The following RUFY1 variants were observed in gnomAD, a reference collection of about 807,000 sequenced individuals.
RUFY1 encodes the protein RUN and FYVE domain-containing protein 1.
RUFY1 carries 54 observed loss-of-function variants against 94.6 expected under a neutral mutation model. That is an observed-to-expected ratio of 0.57 (90% CI 0.46 to 0.72). The LOEUF (loss-of-function observed/expected upper bound fraction) is 0.72. Ranked by LOEUF, RUFY1 falls within the 30% of genes least tolerant of loss-of-function variation. The probability of loss-of-function intolerance (pLI) is 0.00; values close to 1 mark genes in which losing one functional copy is unlikely to be tolerated. For synonymous variants in RUFY1, 396 were observed against 347.3 expected, an observed-to-expected ratio of 1.14 and a Z score of -1.56; for missense variants, 883 against 883.9, an observed-to-expected ratio of 1.00 and a Z score of 0.01.
intron 6 of RUFY1, 65 bp from the exon 7 acceptor site, chr5:179,580,882 G>A: frequency 1.1e-6 from 1 of 873,944 alleles, no homozygotes; most frequent in Non-Finnish European, 1.9e-6. Flanking sequence ...GAATATTGGG[G>A]AACAGTTACA....
At chr5:179,555,102 A>G (rs1463994213) in intron 1 of RUFY1, among the ~76,000 whole-genome samples, 3 of 152,190 alleles carry the variant, frequency 2.0e-5, no homozygotes, top group African/African-American at 7.2e-5. Flanking sequence ...AAGCAATAGG[A>G]TGTACCCACA....
intron 12 of RUFY1, 120 bp downstream of exon 12, chr5:179,595,083 C>T (rs1044015064): frequency 1.9e-5 from 13 of 685,620 alleles, no homozygotes; most frequent in Middle Eastern, 4.9e-4. Flanking sequence ...TGGCTCACGC[C>T]TGTAATCCCA....
intron 13 of RUFY1, among the ~76,000 whole-genome samples, chr5:179,597,769 C>G (rs1209957084): frequency 6.6e-6 from 1 of 152,200 alleles, no homozygotes; most frequent in Non-Finnish European, 1.5e-5. Flanking sequence ...AGAGCAGACT[C>G]CAGGCGGTCC....
intron 1 of RUFY1, among the ~76,000 whole-genome samples, chr5:179,558,089 T>C (rs1231203895): frequency 6.6e-6 from 1 of 152,196 alleles, no homozygotes; most frequent in Non-Finnish European, 1.5e-5. Context: ...TCAAGACCAC[T>C]AGATGATAGA....
chr5:179,597,892 G>T (rs1198065370), intron 13 of RUFY1, among the ~76,000 whole-genome samples: 4 of 152,066 alleles, frequency 2.6e-5, no homozygotes, highest in Non-Finnish European at 2.9e-5. Context: ...GCTGTAGGTT[G>T]TAGAAAGCAG....
intron 5 of RUFY1, among the ~76,000 whole-genome samples, chr5:179,576,477 A>G (rs928356863): frequency 2.5e-4 from 38 of 151,938 alleles, no homozygotes; most frequent in African/African-American, 7.3e-4. Context: ...TTGGAGTGCA[A>G]TGGCACGATC....
chr5:179,574,546 C>T (rs1057447989), intron 5 of RUFY1, among the ~76,000 whole-genome samples: 2 of 152,068 alleles, frequency 1.3e-5, no homozygotes, highest in South Asian at 2.1e-4. Flanking sequence ...CTTTTTTGGT[C>T]TTTGTTCTTT....
At chr5:179,565,239 C>T (rs1561978441) in intron 3 of RUFY1, among the ~76,000 whole-genome samples, 3 of 132,912 alleles carry the variant, frequency 2.3e-5, no homozygotes, top group East Asian at 4.8e-4. Context: ...AGTGCAGTGG[C>T]ACAATCTCGA....
intron 16 of RUFY1, 116 bp from the exon 17 acceptor site, chr5:179,607,466 A>G: frequency 1.2e-6 from 1 of 812,234 alleles, no homozygotes; most frequent in Non-Finnish European, 2.1e-6. Flanking sequence ...ATGGAGAAAC[A>G]GTGCCTCACT....
intron 5 of RUFY1, 77 bp from the exon 6 acceptor site, chr5:179,576,998 T>C: frequency 1.0e-6 from 1 of 981,132 alleles, no homozygotes; most frequent in Non-Finnish European, 1.6e-6. Flanking sequence ...AAGAATGAAA[T>C]ACCTGAATTT....
At chr5:179,576,312 G>GT (rs1763609143) in intron 5 of RUFY1, among the ~76,000 whole-genome samples, 1 of 152,160 alleles carries the variant, frequency 6.6e-6, no homozygotes, top group South Asian at 2.1e-4. Flanking sequence ...GTTCTCCCTT[G>GT]TACCTAAGGG....
intron 14 of RUFY1, among the ~76,000 whole-genome samples, chr5:179,599,831 A>AG (rs1464618236): frequency 2.0e-5 from 3 of 152,228 alleles, no homozygotes; most frequent in Non-Finnish European, 4.4e-5. Flanking sequence ...CCTGCCCCGG[A>AG]GGGGCCTTCA....
In RUFY1 at chr5:179,556,063, A is replaced by T. The variant is rs554221668; in HGVS notation, c.311-3962A>T. ...CATATTTTAAAGTTGCTCAGAATTC[A>T]TTTTCTGGCATAGTGTAAATATTGA... is the stretch of plus-strand genomic sequence containing the variant. On this transcript the variant is annotated intron_variant, in intron 1 of 17. Transcript: ENST00000319449. 4.6e-5 allele frequency among the ~76,000 whole-genome samples: 7 copies of T among 152,134 alleles called. No individual in the cohort carries two copies. The East Asian group carries it at 1.4e-3, about 29-fold the overall frequency.
At chr5:179,605,014 C>T (rs1287978394) in intron 15 of RUFY1, among the ~76,000 whole-genome samples, 1 of 151,250 alleles carries the variant, frequency 6.6e-6, no homozygotes, top group Non-Finnish European at 1.5e-5. Flanking sequence ...GAAAAAGGCT[C>T]AGGCCTATAA....
chr5:179,580,977 A>G lies in RUFY1; in HGVS notation c.921A>G (p.Gln307=). ...AAAGAATTACTGATGTCCTTGATCA[A>G]AAAAATTATGTGGAAGAACTTAACC... ...EHERITDVLD[Q]KNYVEELNRH... Residue 307 remains glutamine (Q), a synonymous_variant, in exon 7 of 18, where the codon CAA becomes CAG. Transcript: ENST00000319449. The G allele has an allele frequency of 6.2e-7, 1 of 1,609,146 alleles. No homozygotes were observed. Among genetic ancestry groups the G allele is most frequent in the Non-Finnish European group, 8.5e-7 (1 of 1,177,612 alleles).
intron 6 of RUFY1, among the ~76,000 whole-genome samples, chr5:179,577,523 G>C (rs761156539): frequency 3.3e-5 from 5 of 150,662 alleles, no homozygotes; most frequent in African/African-American, 1.2e-4. Flanking sequence ...GCGGAGGGCC[G>C]GGTCTCCGGA....
intron 7 of RUFY1, among the ~76,000 whole-genome samples, chr5:179,584,740 C>T (rs942038690): frequency 1.3e-5 from 2 of 151,134 alleles, no homozygotes; most frequent in African/African-American, 4.9e-5. Context: ...CCAGCCTGGG[C>T]GACAGAGCAA....
At position 179,601,930 on chromosome 5, in the gene RUFY1, G is replaced by T. The variant is rs1443231389; in HGVS notation, c.1800G>T (p.Gln600His). 1 of 1,613,206 alleles carries T rather than the reference G, an allele frequency of 6.2e-7. No individual in the cohort carries two copies. The highest frequency in any genetic ancestry group is 1.7e-5 in the Admixed American group (1 of 59,936). ...RELQDEKAEL[Q>H]KICEEQEQAL... Reference sequence around the variant, plus strand: ...TTCAGGACGAGAAGGCAGAGCTGCAGAAGATCTGCGAGGAGCAGGAACAAG... The same window carrying T: ...TTCAGGACGAGAAGGCAGAGCTGCATAAGATCTGCGAGGAGCAGGAACAAG... The change falls in exon 15 of 18, where the codon CAG becomes CAT. Residue 600 changes from glutamine (Q) to histidine (H), a missense_variant. Transcript: ENST00000319449.
chr5:179,596,394 G>A (rs1420585642), intron 12 of RUFY1, 168 bp from the exon 13 acceptor site: 1 of 850,088 alleles, frequency 1.2e-6, no homozygotes, highest in East Asian at 2.4e-5. Context: ...TGGGAGTGGT[G>A]GGACCGTCCT....
Sources: allele counts gnomAD v4.1 joint callset (sites outside exome capture counted in the v4.1 genomes callset), GRCh38; gene constraint gnomAD v4.1.1; transcripts MANE v1.5; gene names NCBI Gene and HGNC (gene_info 2026-07-23, HGNC 2026-07-21).